ZFHX4: variants seen among roughly 807,000 people sequenced by gnomAD.
The protein encoded by ZFHX4 is zinc finger homeobox protein 4.
In ZFHX4, 56 loss-of-function variants were observed where a neutral mutation model predicts 267.6. The ratio of observed to expected loss-of-function variants is 0.21; its 90% confidence interval spans 0.17 to 0.26. The LOEUF (loss-of-function observed/expected upper bound fraction) is 0.26. Among genes scored for constraint, ZFHX4 ranks in the 10% least tolerant of loss-of-function variants. ZFHX4 has a pLI of 1.00. For missense variants in ZFHX4, 4,332 were observed against 4,420.0 expected (o/e 0.98, Z 0.56); for synonymous variants, 1,778 against 1,665.6 (o/e 1.07, Z -1.64).
intron 5 of ZFHX4, 56 bp from the exon 6 acceptor site, chr8:76,842,599 A>G: frequency 7.7e-7 from 1 of 1,304,222 alleles, no homozygotes; most frequent in Non-Finnish European, 1.1e-6. Flanking sequence ...AGTTTATTTC[A>G]GTGTGAACTT....
intron 3 of ZFHX4, among the ~76,000 whole-genome samples, chr8:76,717,862 G>A (rs1228338213): frequency 6.6e-6 from 1 of 152,186 alleles, no homozygotes; most frequent in Non-Finnish European, 1.5e-5. Context: ...CTCCCACAGT[G>A]CTGGGATTAC....
At chr8:76,804,632 G>C (rs1811201810) in intron 4 of ZFHX4, among the ~76,000 whole-genome samples, 1 of 151,958 alleles carries the variant, frequency 6.6e-6, no homozygotes, top group African/African-American at 2.4e-5. Context: ...CCCTGCCCCT[G>C]GAAAAGCACT....
At chr8:76,818,023 A>G (rs1210898564) in intron 4 of ZFHX4, among the ~76,000 whole-genome samples, 1 of 152,194 alleles carries the variant, frequency 6.6e-6, no homozygotes, top group Non-Finnish European at 1.5e-5. Context: ...CCCTGCCCTC[A>G]AGGAGTTTAG....
At chr8:76,849,908 T>C in intron 8 of ZFHX4, 196 bp downstream of exon 8, 1 of 623,766 alleles carries the variant, frequency 1.6e-6, no homozygotes, top group Non-Finnish European at 2.8e-6. Context: ...GTACAAGGCA[T>C]AGCTTAGTAA....
rs949224880 is a variant in ZFHX4 at position 76,864,604 on chromosome 8, T to TA, written c.*46dup. ...ATCCCGTGCTTAAAAAAATAAAAAA[T>TA]AAAAAAATAAAAAAAAAATAAGACT... On this transcript the variant is annotated 3_prime_UTR_variant, in exon 11 of 11. Transcript: ENST00000651372. 2.0e-5 allele frequency: 25 copies of TA among 1,259,140 alleles called. No homozygotes were observed. The highest frequency in any genetic ancestry group is 1.7e-4 in the South Asian group (8 of 47,324). The allele number at this position is 1,259,140 out of a possible 1,614,324, so 78.0% of individuals were successfully genotyped here. A position where few individuals can be genotyped will look rare whatever the true frequency, so the allele number is the denominator to read the frequency against.
chr8:76,843,390 T>C (rs1812286390), intron 6 of ZFHX4, among the ~76,000 whole-genome samples: 1 of 152,148 alleles, frequency 6.6e-6, no homozygotes. Context: ...ATTTTGATCT[T>C]CTAGAATAGA....
At chr8:76,729,624 T>A (rs1808945796) in intron 3 of ZFHX4, among the ~76,000 whole-genome samples, 1 of 152,180 alleles carries the variant, frequency 6.6e-6, no homozygotes, top group African/African-American at 2.4e-5. Flanking sequence ...CCTCTTACAG[T>A]GGTCCTGGGA....
intron 3 of ZFHX4, among the ~76,000 whole-genome samples, chr8:76,754,210 A>G (rs553323317): frequency 6.6e-6 from 1 of 152,126 alleles, no homozygotes; most frequent in Non-Finnish European, 1.5e-5. Flanking sequence ...TGCTTAGGCC[A>G]GGTGCAGTGG....
intron 3 of ZFHX4, among the ~76,000 whole-genome samples, chr8:76,767,420 A>G (rs555910310): frequency 8.5e-5 from 13 of 152,188 alleles, no homozygotes; most frequent in South Asian, 2.1e-4. Flanking sequence ...ACAGCTTGGG[A>G]ACTCCTGGTA....
At chr8:76,857,828 T>G (rs1812772189) in intron 10 of ZFHX4, among the ~76,000 whole-genome samples, 1 of 149,570 alleles carries the variant, frequency 6.7e-6, no homozygotes, top group Non-Finnish European at 1.5e-5. Context: ...TGAAGAATAA[T>G]GCAATGACAG....
intron 1 of ZFHX4, among the ~76,000 whole-genome samples, chr8:76,687,641 C>T (rs552182461): frequency 6.6e-6 from 1 of 152,256 alleles, no homozygotes; most frequent in East Asian, 1.9e-4. Flanking sequence ...TTAACATAAT[C>T]ATATTTAAAA....
At chr8:76,734,885 A>C (rs1309739697) in intron 3 of ZFHX4, among the ~76,000 whole-genome samples, 2 of 152,166 alleles carry the variant, frequency 1.3e-5, no homozygotes, top group Non-Finnish European at 2.9e-5. Context: ...AATTTATACA[A>C]ATTGCTACAT....
chr8:76,855,876 G>T lies in ZFHX4; in HGVS notation c.8955G>T (p.Lys2985Asn), dbSNP rs564585435. ...VWFQNARAKE[K>N]KFKINIGKPF... ...TCCAAAATGCAAGGGCAAAGGAAAA[G>T]AAATTTAAAATTAACATAGGGAAGC... The change falls in exon 10 of 11, where the codon AAG (lysine) becomes AAT (asparagine). Residue 2985 changes from lysine (K) to asparagine (N), a missense_variant. By Grantham distance (94) the Lys-to-Asn change is moderately conservative (BLOSUM62 0). Coordinates refer to ENST00000651372, the MANE Select transcript of ZFHX4 (RefSeq NM_024721.5). 3.1e-6 allele frequency: 5 copies of T among 1,613,812 alleles called. No individual in the cohort carries two copies. The highest frequency in any genetic ancestry group is 2.2e-5 in the South Asian group (2 of 91,070).
chr8:76,731,199 C>T (rs1809000800), intron 3 of ZFHX4, among the ~76,000 whole-genome samples: 1 of 152,102 alleles, frequency 6.6e-6, no homozygotes, highest in Non-Finnish European at 1.5e-5. Flanking sequence ...AGAGTGTGTC[C>T]ATACCTTTCA....
chr8:76,850,826 T>C (rs1469779185), intron 9 of ZFHX4, 60 bp from the exon 10 acceptor site: 2 of 1,407,406 alleles, frequency 1.4e-6, no homozygotes, highest in East Asian at 5.0e-5. Context: ...TAATATTAAT[T>C]AATATTTAAG....
chr8:76,693,618 C>T (rs746757917), intron 1 of ZFHX4: 6 of 152,142 alleles, frequency 3.9e-5, no homozygotes, highest in Admixed American at 6.6e-5. Flanking sequence ...GTTATGCTTA[C>T]GCTGGAGATT....
chr8:76,767,813 A>G (rs1042142914), intron 3 of ZFHX4, among the ~76,000 whole-genome samples: 1 of 152,174 alleles, frequency 6.6e-6, no homozygotes, highest in African/African-American at 2.4e-5. Flanking sequence ...ATGTAAGCAC[A>G]TGGGTGGTTA....
At chr8:76,859,844 TAC>T (rs1812822227) in intron 10 of ZFHX4, among the ~76,000 whole-genome samples, 1 of 152,140 alleles carries the variant, frequency 6.6e-6, no homozygotes, top group Non-Finnish European at 1.5e-5. Flanking sequence ...GAAAATGAAC[TAC>T]ATATGAGTGC....
chr8:76,705,628 G>A lies in ZFHX4; in HGVS notation c.1540G>A (p.Val514Met), dbSNP rs775322268. 6.2e-7 allele frequency: 1 copy of A among 1,613,878 alleles called. No homozygotes were observed. The highest frequency in any genetic ancestry group is 1.7e-5 in the Admixed American group (1 of 60,016). The change falls in exon 2 of 11, where the codon GTG becomes ATG. Residue 514 changes from valine to methionine, a missense_variant. Physicochemically the swap from Val to Met is conservative, Grantham distance 21. Coordinates refer to ENST00000651372, the MANE Select transcript of ZFHX4 (RefSeq NM_024721.5). ...AAGCATTTCTCCTTTATCATCCAGT[G>A]TGCTAAAATTTATTGAAAAGGGTAC... ...NQSISPLSSSVLKFIEKGTSS... is the reference protein window; with the variant it reads ...NQSISPLSSSMLKFIEKGTSS...
Sources: allele counts gnomAD v4.1 joint callset (sites outside exome capture counted in the v4.1 genomes callset), GRCh38; gene constraint gnomAD v4.1.1; transcripts MANE v1.5; gene names NCBI Gene and HGNC (gene_info 2026-07-23, HGNC 2026-07-21).